The following STPG2 variants were observed in gnomAD, a reference collection of about 807,000 sequenced individuals.
STPG2 encodes the protein sperm-tail PG-rich repeat-containing protein 2.
In STPG2, 56 loss-of-function variants were observed where a neutral mutation model predicts 54.2. The observed-to-expected ratio is 1.03, with a 90% CI of 0.83 to 1.29. The LOEUF (loss-of-function observed/expected upper bound fraction) is 1.29. Ranked by LOEUF, STPG2 falls within the 50% of genes most tolerant of loss-of-function variation. The pLI, the probability that STPG2 is intolerant of heterozygous loss-of-function variation, is 0.00. For missense variants in STPG2, 596 were observed against 544.9 expected (o/e 1.09, Z -0.93); for synonymous variants, 200 against 181.8 (o/e 1.10, Z -0.81).
chr4:97,649,334 G>T (rs1721999819), intron 10 of STPG2, among the ~76,000 whole-genome samples: 1 of 151,988 alleles, frequency 6.6e-6, no homozygotes, highest in African/African-American at 2.4e-5. Flanking sequence ...GGAAAAACAG[G>T]TATTCTTTAA....
chr4:97,690,825 A>G (rs1723340393), intron 10 of STPG2, among the ~76,000 whole-genome samples: 1 of 152,232 alleles, frequency 6.6e-6, no homozygotes, highest in South Asian at 2.1e-4. Context: ...TGGGACTCTG[A>G]AAAACTGTGA....
intron 3 of STPG2, among the ~76,000 whole-genome samples, chr4:98,123,485 T>A (rs1031770971): frequency 6.6e-6 from 1 of 152,214 alleles, no homozygotes; most frequent in African/African-American, 2.4e-5. Context: ...AATTTCCATA[T>A]AGTCGTGTGG....
intron 9 of STPG2, among the ~76,000 whole-genome samples, chr4:97,795,829 G>A (rs1030159305): frequency 1.3e-5 from 2 of 152,112 alleles, no homozygotes; most frequent in Non-Finnish European, 2.9e-5. Context: ...GTGTAAAAGT[G>A]TTCCTATTTC....
intron 5 of STPG2, among the ~76,000 whole-genome samples, chr4:98,089,602 A>G (rs545392454): frequency 5.9e-5 from 9 of 151,650 alleles, no homozygotes; most frequent in South Asian, 4.2e-4. Flanking sequence ...TGGTAGTTCT[A>G]CTTTTAGCTT....
chr4:97,727,950 A>G (rs768152647), intron 9 of STPG2, among the ~76,000 whole-genome samples: 2 of 151,970 alleles, frequency 1.3e-5, no homozygotes, highest in Non-Finnish European at 2.9e-5. Flanking sequence ...ATAGTTAAAT[A>G]GTTCACATCA....
At chr4:97,991,776 A>T (rs1022184053) in intron 5 of STPG2, among the ~76,000 whole-genome samples, 8 of 151,926 alleles carry the variant, frequency 5.3e-5, no homozygotes, top group African/African-American at 1.4e-4. Flanking sequence ...TAATTTTTTT[A>T]AATTTTTTTA....
In STPG2 at chr4:97,828,487, G is replaced by A. The variant is rs1294236269; in HGVS notation, c.1204+12286C>T. On this transcript the variant is annotated intron_variant, in intron 9 of 10. Transcript: ENST00000295268. Reference sequence around the variant, plus strand: ...TGGTTGGGCAGACACCAAGCTAGCTGCGGGAGATTTTTTTTTTTCCATATC... The same window carrying A: ...TGGTTGGGCAGACACCAAGCTAGCTACGGGAGATTTTTTTTTTTCCATATC... Among the ~76,000 whole-genome samples, 3 of 152,188 alleles carry A rather than the reference G, an allele frequency of 2.0e-5. No individual in the cohort carries two copies. The East Asian group carries it at 5.8e-4, about 29-fold the overall frequency.
At position 97,726,362 on chromosome 4, in the gene STPG2, G is replaced by A. The variant is rs141923228; in HGVS notation, c.1205-13548C>T. On this transcript the variant is annotated intron_variant, in intron 9 of 10. Transcript: ENST00000295268. ...AATGAAAAGAGTTCTGTGGATAGAT[G>A]GTGGTGATGAAGCACACAATGTGAA... 2.6e-5 allele frequency among the ~76,000 whole-genome samples: 4 copies of A among 152,000 alleles called. No homozygotes were observed. In the East Asian group the frequency reaches 7.7e-4, roughly 29 times the overall value.
chr4:98,056,435 A>T (rs6854703), intron 5 of STPG2, among the ~76,000 whole-genome samples: 59,301 of 151,980 alleles, frequency 0.39, 11,792 homozygotes, highest in Middle Eastern at 0.46. Flanking sequence ...ACTTTGCTGC[A>T]CCTTGGTGCC....
At chr4:97,893,576 A>C (rs1730848959) in intron 8 of STPG2, among the ~76,000 whole-genome samples, 1 of 152,070 alleles carries the variant, frequency 6.6e-6, no homozygotes, top group East Asian at 1.9e-4. Flanking sequence ...TAAACAATGG[A>C]AAAGAAAAAT....
chr4:98,137,597 A>C (rs1168591591), intron 1 of STPG2, among the ~76,000 whole-genome samples: 1 of 151,870 alleles, frequency 6.6e-6, no homozygotes, highest in Non-Finnish European at 1.5e-5. Context: ...AGGTAATCTG[A>C]GATAAATATG....
chr4:97,661,804 T>C (rs76580571), intron 10 of STPG2, among the ~76,000 whole-genome samples: 1 of 152,242 alleles, frequency 6.6e-6, no homozygotes, highest in East Asian at 1.9e-4. Flanking sequence ...AATCCAATGC[T>C]ACTTTTCCTA....
chr4:97,500,953 G>A (rs995727734), intron 4 of STPG2, among the ~76,000 whole-genome samples: 17 of 152,076 alleles, frequency 1.1e-4, no homozygotes, highest in Admixed American at 5.9e-4. Context: ...AATGACTGGA[G>A]AGAAAGGTGA....
chr4:97,470,110 T>G (rs1015100260), intron 4 of STPG2, among the ~76,000 whole-genome samples: 66 of 152,086 alleles, frequency 4.3e-4, no homozygotes, highest in Admixed American at 7.9e-4. Flanking sequence ...TCTTATAAAA[T>G]AAAATGAAAG....
At chr4:97,838,909 C>A (rs1463875359) in intron 9 of STPG2, among the ~76,000 whole-genome samples, 2 of 151,320 alleles carry the variant, frequency 1.3e-5, no homozygotes, top group Non-Finnish European at 3.0e-5. Flanking sequence ...TGTTATTATC[C>A]CTTTGAAGTA....
chr4:97,684,141 A>G (rs1723116595), intron 10 of STPG2, among the ~76,000 whole-genome samples: 1 of 151,930 alleles, frequency 6.6e-6, no homozygotes, highest in Non-Finnish European at 1.5e-5. Context: ...TTCATGAGTA[A>G]AAACGCTTTA....
At chr4:97,927,547 A>T (rs576738726) in intron 8 of STPG2, among the ~76,000 whole-genome samples, 163 of 151,912 alleles carry the variant, frequency 1.1e-3, no homozygotes, top group African/African-American at 3.3e-3. Context: ...TACATTTTTT[A>T]AAAAAAGTTA....
At chr4:98,054,612 A>G (rs1289353262) in intron 5 of STPG2, among the ~76,000 whole-genome samples, 2 of 152,176 alleles carry the variant, frequency 1.3e-5, no homozygotes, top group Non-Finnish European at 2.9e-5. Flanking sequence ...CATTTACTGT[A>G]AAATAAAATT....
At chr4:97,687,991 C>T (rs576864433) in intron 10 of STPG2, among the ~76,000 whole-genome samples, 53 of 151,888 alleles carry the variant, frequency 3.5e-4, no homozygotes, top group Admixed American at 3.3e-3. Flanking sequence ...TGTATATAAC[C>T]GAGAAGTTGT....
Sources: allele counts gnomAD v4.1 joint callset (sites outside exome capture counted in the v4.1 genomes callset), GRCh38; gene constraint gnomAD v4.1.1; transcripts MANE v1.5; gene names NCBI Gene and HGNC (gene_info 2026-07-23, HGNC 2026-07-21).